The following PCDH11X variants were observed in gnomAD, a reference collection of about 807,000 sequenced individuals.
The protein encoded by PCDH11X is protocadherin 11 X-linked.
Under a neutral mutation model 53.3 loss-of-function variants are expected in PCDH11X, and 18 were observed. That is an observed-to-expected ratio of 0.34 (90% confidence interval 0.23 to 0.50). The LOEUF is 0.50. Ranked by LOEUF, PCDH11X falls within the 20% of genes least tolerant of loss-of-function variation. The probability of loss-of-function intolerance (pLI) is 0.98; values close to 1 mark genes in which losing one functional copy is unlikely to be tolerated. For missense variants in PCDH11X, 570 were observed against 1,032.4 expected, an observed-to-expected ratio of 0.55 and a Z score of 6.14; for synonymous variants, 279 against 393.3, an observed-to-expected ratio of 0.71 and a Z score of 3.44.
At chrX:92,339,344 T>C (rs1452942043) in intron 8 of PCDH11X, among the ~76,000 whole-genome samples, 2 of 112,336 alleles carry the variant, frequency 1.8e-5, no homozygotes, top group African/African-American at 3.2e-5. Flanking sequence ...AATACCCTTC[T>C]TAACATTTGT....
At chrX:92,409,247 T>C (rs2071592706) in intron 9 of PCDH11X, among the ~76,000 whole-genome samples, 1 of 111,325 alleles carries the variant, frequency 9.0e-6, no homozygotes, top group Non-Finnish European at 1.9e-5. Context: ...CTAAATTATA[T>C]GTCATCCAAT....
At chrX:91,993,079 T>C (rs1485082578) in intron 6 of PCDH11X, among the ~76,000 whole-genome samples, 1 of 112,211 alleles carries the variant, frequency 8.9e-6, no homozygotes, top group African/African-American at 3.2e-5. Context: ...GATGAGATTC[T>C]TGTTATCAGG....
At chrX:92,030,316 G>A (rs1687293557) in intron 6 of PCDH11X, among the ~76,000 whole-genome samples, 1 of 110,315 alleles carries the variant, frequency 9.1e-6, no homozygotes, top group Non-Finnish European at 1.9e-5. Context: ...ATATTTTCTG[G>A]TTGGGCAAAG....
chrX:92,387,694 G>T, intron 8 of PCDH11X, 41 bp from the exon 9 acceptor site: 1 of 1,211,725 alleles, frequency 8.3e-7, no homozygotes, highest in Non-Finnish European at 1.1e-6. Flanking sequence ...CAATTATTCA[G>T]ATCATATCTG....
chrX:92,258,694 T>C lies in PCDH11X; in HGVS notation c.3115-4420T>C, dbSNP rs148147125. ...GTTATGCAAATTTCTACAACCAGCT[T>C]AAATTCCTCCCCTGAAAATGGAGAC... is the stretch of plus-strand genomic sequence containing the variant. On this transcript the variant is annotated intron_variant, in intron 7 of 10. Transcript: ENST00000682573. Among the ~76,000 whole-genome samples the C allele has an allele frequency of 6.8e-3, 762 of 112,159 alleles. 5 individuals carry two copies. The highest frequency in any genetic ancestry group is 0.024 in the African/African-American group (735 of 30,911).
intron 6 of PCDH11X, among the ~76,000 whole-genome samples, chrX:91,995,613 G>A (rs1010861390): frequency 2.7e-5 from 3 of 111,410 alleles, no homozygotes; most frequent in Non-Finnish European, 5.6e-5. Flanking sequence ...CTCAAGTAGT[G>A]TAATGCCTCC....
chrX:92,519,165 C>T (rs879100736), intron 10 of PCDH11X, among the ~76,000 whole-genome samples: 1 of 110,349 alleles, frequency 9.1e-6, no homozygotes, highest in Non-Finnish European at 1.9e-5. Context: ...ACATTACACA[C>T]GCCTAGTGCT....
chrX:92,384,558 G>T (rs1433430859), intron 8 of PCDH11X, among the ~76,000 whole-genome samples: 1 of 98,533 alleles, frequency 1.0e-5, no homozygotes, highest in Non-Finnish European at 2.1e-5. Context: ...TTTGGGGAGA[G>T]AGTTTTTAAG....
chrX:92,245,470 GC>G (rs1261012173), intron 7 of PCDH11X, among the ~76,000 whole-genome samples: 1 of 112,596 alleles, frequency 8.9e-6, no homozygotes, highest in Non-Finnish European at 1.9e-5. Context: ...AGAAAAAGTT[GC>G]CAGACTATTT....
At chrX:92,021,728 C>T (rs2062887476) in intron 6 of PCDH11X, among the ~76,000 whole-genome samples, 1 of 105,161 alleles carries the variant, frequency 9.5e-6, no homozygotes, top group Non-Finnish European at 1.9e-5. Flanking sequence ...ATTAGATTCT[C>T]CAAGGTAGAA....
At chrX:92,606,134 G>A (rs1440170451) in intron 10 of PCDH11X, among the ~76,000 whole-genome samples, 2 of 100,900 alleles carry the variant, frequency 2.0e-5, no homozygotes, top group Non-Finnish European at 4.0e-5. Flanking sequence ...GGGAGGCTGA[G>A]GCAGGAGAAT....
At chrX:92,240,363 C>G (rs1374062965) in intron 7 of PCDH11X, among the ~76,000 whole-genome samples, 1 of 111,843 alleles carries the variant, frequency 8.9e-6, no homozygotes, top group Non-Finnish European at 1.9e-5. Context: ...AACACATGCT[C>G]TGCATCTCTC....
intron 6 of PCDH11X, among the ~76,000 whole-genome samples, chrX:92,029,212 A>G (rs181641522): frequency 1.8e-5 from 2 of 111,795 alleles, no homozygotes; most frequent in African/African-American, 6.5e-5. Flanking sequence ...AGTCTTTAGG[A>G]GCAAGTTGAC....
intron 10 of PCDH11X, among the ~76,000 whole-genome samples, chrX:92,536,040 C>T (rs759927408): frequency 1.9e-5 from 2 of 106,719 alleles, no homozygotes; most frequent in East Asian, 3.0e-4. Flanking sequence ...TGTGATCTCT[C>T]TACATATTTC....
At chrX:92,527,217 C>G (rs2074470841) in intron 10 of PCDH11X, among the ~76,000 whole-genome samples, 1 of 111,313 alleles carries the variant, frequency 9.0e-6, no homozygotes, top group Non-Finnish European at 1.9e-5. Flanking sequence ...ACAATAGCAT[C>G]ACTATAATCA....
chrX:92,225,965 CA>C (rs928089514), intron 7 of PCDH11X, among the ~76,000 whole-genome samples: 1 of 111,622 alleles, frequency 9.0e-6, no homozygotes, highest in African/African-American at 3.3e-5. Context: ...GAGAGCAAAA[CA>C]TTAACAATCA....
intron 10 of PCDH11X, among the ~76,000 whole-genome samples, chrX:92,481,732 A>G (rs111280669): frequency 0.017 from 1,938 of 111,708 alleles, 44 homozygotes; most frequent in African/African-American, 0.06. Context: ...ATGCTCTGCT[A>G]CAGACGCTCC....
At chrX:92,102,353 T>TAA (rs1427655671) in intron 6 of PCDH11X, among the ~76,000 whole-genome samples, 1 of 111,475 alleles carries the variant, frequency 9.0e-6, no homozygotes, top group African/African-American at 3.3e-5. Context: ...AGGGCTAGGC[T>TAA]AAAACAGTAA....
At chrX:92,373,136 G>A (rs2070663759) in intron 8 of PCDH11X, among the ~76,000 whole-genome samples, 1 of 107,611 alleles carries the variant, frequency 9.3e-6, no homozygotes, top group African/African-American at 3.4e-5. Flanking sequence ...TAGAAGAAAT[G>A]TATACATATT....
Sources: gnomAD v4.1 joint callset for allele counts (sites outside exome capture counted in the v4.1 genomes callset) on GRCh38, gnomAD v4.1.1 for gene constraint, MANE v1.5 for transcripts, NCBI Gene and HGNC (gene_info 2026-07-23, HGNC 2026-07-21) for gene names.